Variants in TRPC1 observed in about 807,000 individuals in gnomAD.
TRPC1 encodes the protein short transient receptor potential channel 1.
In TRPC1, 42 loss-of-function variants were observed where a neutral mutation model predicts 88.2. The ratio of observed to expected loss-of-function variants is 0.48; its 90% CI spans 0.37 to 0.62. The LOEUF (loss-of-function observed/expected upper bound fraction) is 0.62, where lower values mean the gene tolerates loss of function less well. TRPC1 is among the 20% of genes least tolerant of loss of function. The pLI, the probability that TRPC1 is intolerant of heterozygous loss-of-function variation, is 0.00. For synonymous variants in TRPC1, 288 were observed against 331.8 expected (o/e 0.87, Z 1.43); for missense variants, 699 against 957.3 (o/e 0.73, Z 3.56).
At chr3:142,742,620 T>C (rs915714454) in intron 2 of TRPC1, among the ~76,000 whole-genome samples, 2 of 152,226 alleles carry the variant, frequency 1.3e-5, no homozygotes, top group Non-Finnish European at 2.9e-5. Context: ...TAAATAGTTA[T>C]TAATGATTAT....
At chr3:142,774,703 T>C (rs866524573) in intron 4 of TRPC1, among the ~76,000 whole-genome samples, 4 of 151,852 alleles carry the variant, frequency 2.6e-5, no homozygotes, top group African/African-American at 7.3e-5. Context: ...ATAATTTTGT[T>C]CAGTTTTATG....
chr3:142,802,408 T>C (rs1936650341), intron 10 of TRPC1, 64 bp downstream of exon 10: 2 of 1,126,628 alleles, frequency 1.8e-6, no homozygotes, highest in Admixed American at 3.6e-5. Context: ...ATCTTCTATA[T>C]GAATTAGTAT....
chr3:142,768,632 C>T (rs1935476545), intron 4 of TRPC1, among the ~76,000 whole-genome samples: 1 of 151,948 alleles, frequency 6.6e-6, no homozygotes, highest in South Asian at 2.1e-4. Context: ...CATTTGCTTT[C>T]TGTATTTCTC....
At chr3:142,730,002 TTAAC>T (rs1296718287) in intron 1 of TRPC1, among the ~76,000 whole-genome samples, 9 of 152,176 alleles carry the variant, frequency 5.9e-5, no homozygotes, top group African/African-American at 2.2e-4. Flanking sequence ...TTTTTCTAGA[TTAAC>T]ATATTGGCCA....
chr3:142,780,498 G>A (rs1322838049), intron 5 of TRPC1, among the ~76,000 whole-genome samples: 1 of 152,186 alleles, frequency 6.6e-6, no homozygotes, highest in African/African-American at 2.4e-5. Flanking sequence ...TTTTAGCCAA[G>A]CTTACAGAGA....
intron 7 of TRPC1, among the ~76,000 whole-genome samples, chr3:142,789,968 G>A (rs1253745465): frequency 6.6e-6 from 1 of 152,088 alleles, no homozygotes; most frequent in East Asian, 1.9e-4. Context: ...GACCTAATAA[G>A]TAAATTATAT....
chr3:142,725,239 A>G (rs555242619), intron 1 of TRPC1, among the ~76,000 whole-genome samples: 5 of 152,308 alleles, frequency 3.3e-5, no homozygotes, highest in African/African-American at 1.2e-4. Flanking sequence ...TCACCTGACC[A>G]GTGCTTTAGC....
At chr3:142,748,590 G>A in intron 4 of TRPC1, 130 bp downstream of exon 4, 1 of 868,066 alleles carries the variant, frequency 1.2e-6, no homozygotes, top group Non-Finnish European at 1.8e-6. Flanking sequence ...AGCCAAACTT[G>A]TAGCTCCTTT....
intron 9 of TRPC1, among the ~76,000 whole-genome samples, chr3:142,798,503 A>G (rs986405670): frequency 1.3e-5 from 2 of 152,176 alleles, no homozygotes; most frequent in South Asian, 2.1e-4. Flanking sequence ...AGGAGGTGGC[A>G]TTTGATCTGA....
At chr3:142,773,936 T>G (rs1043746331) in intron 4 of TRPC1, among the ~76,000 whole-genome samples, 1 of 151,994 alleles carries the variant, frequency 6.6e-6, no homozygotes, top group African/African-American at 2.4e-5. Context: ...ACTTTTTTCC[T>G]GTTTTGTTGT....
At position 142,780,851 on chromosome 3, in the gene TRPC1, T is replaced by A; in HGVS notation, c.782T>A (p.Leu261Gln). Reference protein sequence around the residue: ...EVEFRNDYEELARQCKMFAKD... With the variant: ...EVEFRNDYEEQARQCKMFAKD... Reference sequence around the variant, plus strand: ...TTTTATAGGAATGATTATGAGGAACTAGCCCGGCAATGTAAAATGTTTGCT... The same window carrying A: ...TTTTATAGGAATGATTATGAGGAACAAGCCCGGCAATGTAAAATGTTTGCT... Residue 261 changes from leucine (L) to glutamine (Q), a missense_variant, in exon 6 of 13, where the codon CTA (leucine) becomes CAA (glutamine). This residue lies in a region of TRPC1 where 426 missense variants were observed against 641.3 expected (regional missense o/e 0.66). Coordinates refer to ENST00000476941, the MANE Select transcript of TRPC1 (RefSeq NM_001251845.2). 3 of 1,609,842 alleles carry A rather than the reference T, an allele frequency of 1.9e-6. 1 individual carries two copies. Among genetic ancestry groups the A allele is most frequent in the South Asian group, 2.2e-5 (2 of 89,886 alleles).
intron 1 of TRPC1, among the ~76,000 whole-genome samples, chr3:142,732,650 T>C (rs1933969019): frequency 6.6e-6 from 1 of 152,180 alleles, no homozygotes; most frequent in South Asian, 2.1e-4. Context: ...GAAGACGTGC[T>C]GTTGAATTGG....
At chr3:142,725,278 G>C (rs901073924) in intron 1 of TRPC1, among the ~76,000 whole-genome samples, 1 of 152,168 alleles carries the variant, frequency 6.6e-6, no homozygotes, top group Non-Finnish European at 1.5e-5. Flanking sequence ...ATTAATAACG[G>C]AATATCCTAG....
At chr3:142,771,125 G>T (rs1299217000) in intron 4 of TRPC1, among the ~76,000 whole-genome samples, 1 of 152,108 alleles carries the variant, frequency 6.6e-6, no homozygotes, top group Admixed American at 6.6e-5. Context: ...GATCATGAGG[G>T]ATCCACCTCC....
chr3:142,736,314 TC>T (rs1934136062), intron 1 of TRPC1, 64 bp from the exon 2 acceptor site: 1 of 1,275,600 alleles, frequency 7.8e-7, no homozygotes, highest in African/African-American at 1.5e-5. Flanking sequence ...GCTAAGTTTT[TC>T]TTTACAGTCA....
At chr3:142,755,411 G>A (rs1385489894) in intron 4 of TRPC1, among the ~76,000 whole-genome samples, 1 of 152,150 alleles carries the variant, frequency 6.6e-6, no homozygotes, top group African/African-American at 2.4e-5. Context: ...GGTGACAAGA[G>A]CAAAACTCCA....
intron 1 of TRPC1, among the ~76,000 whole-genome samples, chr3:142,731,338 GA>G (rs1365255482): frequency 2.8e-5 from 4 of 144,786 alleles, no homozygotes; most frequent in Admixed American, 7.0e-5. Context: ...AAGTGTGATA[GA>G]AAAATCACAA....
chr3:142,774,067 C>CT (rs1247031201), intron 4 of TRPC1, among the ~76,000 whole-genome samples: 1 of 151,926 alleles, frequency 6.6e-6, no homozygotes, highest in Non-Finnish European at 1.5e-5. Context: ...GGTTTGATTC[C>CT]TAAGGACTCT....
intron 10 of TRPC1, among the ~76,000 whole-genome samples, chr3:142,803,199 C>G (rs1387581163): frequency 6.6e-6 from 1 of 152,062 alleles, no homozygotes; most frequent in Admixed American, 6.6e-5. Flanking sequence ...TCAGTTTTAA[C>G]TAAGGAGCTA....
Sources: gnomAD v4.1 joint callset for allele counts (sites outside exome capture counted in the v4.1 genomes callset) on GRCh38, gnomAD v4.1.1 for gene constraint, gnomAD v4.1.1 regional missense constraint, MANE v1.5 for transcripts, NCBI Gene and HGNC (gene_info 2026-07-23, HGNC 2026-07-21) for gene names.